The following CACNB4 variants were observed in gnomAD, a reference collection of about 807,000 sequenced individuals.
CACNB4 encodes the protein calcium voltage-gated channel auxiliary subunit beta 4.
In CACNB4, 32 loss-of-function variants were observed where a neutral mutation model predicts 71.2. The ratio of observed to expected loss-of-function variants is 0.45; its 90% CI spans 0.34 to 0.60. CACNB4 has a LOEUF of 0.60. Ranked by LOEUF, CACNB4 falls within the 20% of genes least tolerant of loss-of-function variation. The probability of loss-of-function intolerance (pLI) is 0.01; values close to 1 mark genes in which losing one functional copy is unlikely to be tolerated. For synonymous variants in CACNB4, 231 were observed against 236.9 expected, an observed-to-expected ratio of 0.97 and a Z score of 0.23; for missense variants, 464 against 647.9, an observed-to-expected ratio of 0.72 and a Z score of 3.08.
At chr2:152,056,654 G>A (rs555303722) in intron 2 of CACNB4, among the ~76,000 whole-genome samples, 1 of 152,250 alleles carries the variant, frequency 6.6e-6, no homozygotes, top group South Asian at 2.1e-4. Context: ...TTTCTTCATA[G>A]TTCTATTATT....
intron 2 of CACNB4, among the ~76,000 whole-genome samples, chr2:152,077,826 C>T (rs1388636558): frequency 1.3e-5 from 2 of 152,132 alleles, no homozygotes; most frequent in Non-Finnish European, 2.9e-5. Context: ...GGAGTTATAT[C>T]ACTGCAGAGC....
chr2:152,047,641 C>G (rs1685206289), intron 2 of CACNB4, among the ~76,000 whole-genome samples: 1 of 152,190 alleles, frequency 6.6e-6, no homozygotes, highest in African/African-American at 2.4e-5. Flanking sequence ...CGCCTGTAAT[C>G]CCAGCACTTT....
intron 2 of CACNB4, chr2:151,970,295 G>T (rs1487417606): frequency 6.6e-6 from 1 of 152,144 alleles, no homozygotes; most frequent in Non-Finnish European, 1.5e-5. Context: ...TTACATATAT[G>T]TGGATTGATC....
intron 2 of CACNB4, among the ~76,000 whole-genome samples, chr2:152,040,259 C>A (rs1560154175): frequency 6.6e-6 from 1 of 152,124 alleles, no homozygotes; most frequent in Non-Finnish European, 1.5e-5. Context: ...TTAACTCCTA[C>A]ATTTTATAAA....
At chr2:151,907,124 C>T (rs2099855025) in intron 2 of CACNB4, among the ~76,000 whole-genome samples, 1 of 151,528 alleles carries the variant, frequency 6.6e-6, no homozygotes, top group African/African-American at 2.4e-5. Flanking sequence ...AATGAGAAAA[C>T]ATGGAAATGA....
chr2:151,855,484 C>CA, intron 10 of CACNB4, 109 bp from the exon 11 acceptor site: 1 of 842,358 alleles, frequency 1.2e-6, no homozygotes, highest in East Asian at 2.7e-5. Flanking sequence ...CAAAATAAAA[C>CA]ATTTTAAATT....
chr2:151,876,956 TTGTG>T lies in CACNB4; in HGVS notation c.391-404_391-401del, dbSNP rs1020354689. ...ATATACTATATTTATATAAACTATA[TTGTG>T]TATGTATATATGTGTATATATACCT... On this transcript the variant is annotated intron_variant, in intron 4 of 13. Transcript: ENST00000539935. Among the ~76,000 whole-genome samples the T allele has an allele frequency of 1.2e-3, 179 of 147,220 alleles. 1 individual carries two copies. The highest frequency in any genetic ancestry group is 4.3e-3 in the African/African-American group (173 of 40,598).
In CACNB4 at chr2:151,865,129, G is replaced by A. The variant is rs143653563; in HGVS notation, c.758+4048C>T. 3.2e-3 allele frequency among the ~76,000 whole-genome samples: 480 copies of A among 152,282 alleles called. 3 individuals are homozygous for A. Among genetic ancestry groups the A allele is most frequent in the African/African-American group, 0.011 (454 of 41,558 alleles). ...TGCATAGGAGAATGAAATTGATTAC[G>A]AAACGGAAGTTGCTGCTGTTCTTTT... On this transcript the variant is annotated intron_variant, in intron 9 of 13. Coordinates refer to ENST00000539935, the MANE Select transcript of CACNB4 (RefSeq NM_000726.5).
chr2:151,870,304 G>T (rs2099844284), intron 8 of CACNB4: 1 of 703,108 alleles, frequency 1.4e-6, no homozygotes, highest in Admixed American at 2.0e-5. Context: ...ATATTTTGAG[G>T]GAGGTATTTC....
chr2:152,031,965 C>T (rs1321910549), intron 2 of CACNB4, among the ~76,000 whole-genome samples: 1 of 152,144 alleles, frequency 6.6e-6, no homozygotes, highest in Non-Finnish European at 1.5e-5. Flanking sequence ...CTTGCTTGAA[C>T]GAAGGCTCCA....
intron 2 of CACNB4, among the ~76,000 whole-genome samples, chr2:151,928,233 T>C (rs1441174236): frequency 6.6e-6 from 1 of 152,222 alleles, no homozygotes; most frequent in Non-Finnish European, 1.5e-5. Flanking sequence ...AGAATACCTT[T>C]CTATTACTGA....
chr2:152,098,806 A>G lies in CACNB4; in HGVS notation c.63+143T>C. On this transcript the variant is annotated intron_variant, in intron 1 of 13. Transcript: ENST00000539935. The surrounding 1 kb of genome is among the most constrained non-coding windows in gnomAD (Gnocchi z 5.3). ...GGAGCGGGAGGAGAAAGGGACGTGG[A>G]GGAGGGGTGGGGGGAGCGGGGCCGC... 1 of 482,434 alleles carries G rather than the reference A, an allele frequency of 2.1e-6. No homozygotes were observed. Among genetic ancestry groups the G allele is most frequent in the South Asian group, 1.9e-5 (1 of 51,740 alleles). 29.9% of individuals were successfully genotyped at this position (482,434 alleles called of 1,614,324 possible).
intron 2 of CACNB4, among the ~76,000 whole-genome samples, chr2:151,955,852 T>A (rs1047679708): frequency 6.6e-6 from 1 of 151,264 alleles, no homozygotes; most frequent in African/African-American, 2.4e-5. Flanking sequence ...CAGTGAGCCA[T>A]GATTGCACTA....
chr2:152,005,951 C>T (rs565268678), intron 2 of CACNB4, among the ~76,000 whole-genome samples: 2 of 152,328 alleles, frequency 1.3e-5, no homozygotes, highest in East Asian at 3.9e-4. Flanking sequence ...ACATAGTCAG[C>T]ATTCAACAAT....
At chr2:151,935,033 A>G (rs1335321655) in intron 2 of CACNB4, among the ~76,000 whole-genome samples, 2 of 152,276 alleles carry the variant, frequency 1.3e-5, no homozygotes, top group East Asian at 3.8e-4. Context: ...TAGTTAATAC[A>G]GAGATCTGTG....
chr2:151,845,796 C>G (rs574870432), intron 12 of CACNB4, among the ~76,000 whole-genome samples: 103 of 152,276 alleles, frequency 6.8e-4, no homozygotes, highest in African/African-American at 2.4e-3. Context: ...TTCTCTTCAG[C>G]TGAGGTAGAC....
At chr2:151,923,235 C>T (rs529624081) in intron 2 of CACNB4, among the ~76,000 whole-genome samples, 7 of 152,336 alleles carry the variant, frequency 4.6e-5, no homozygotes, top group South Asian at 4.1e-4. Context: ...CTAGCTATTG[C>T]TTCTATTCTG....
chr2:152,035,594 TCTCTCTCTTTCTCTCTCTCTCTCTCC>T (rs1186141028), intron 2 of CACNB4, among the ~76,000 whole-genome samples: 5 of 144,824 alleles, frequency 3.5e-5, no homozygotes, highest in Admixed American at 7.2e-5. Flanking sequence ...TCTCCCTCTC[TCTCTCTCTTTCTCTCTCTCTCTCTCC>T]CTCCCTCTCC....
At chr2:151,906,137 G>A (rs550157231) in intron 2 of CACNB4, among the ~76,000 whole-genome samples, 86 of 152,314 alleles carry the variant, frequency 5.6e-4, no homozygotes, top group African/African-American at 2.0e-3. Flanking sequence ...TCTCCAAAAA[G>A]TTGAGGGACG....
Sources: allele counts gnomAD v4.1 joint callset (sites outside exome capture counted in the v4.1 genomes callset), GRCh38; gene constraint gnomAD v4.1.1; non-coding constraint Gnocchi (gnomAD v3.1); transcripts MANE v1.5; gene names NCBI Gene and HGNC (gene_info 2026-07-23, HGNC 2026-07-21).